Variants in RBFOX1 observed in about 807,000 individuals in gnomAD.
The protein encoded by RBFOX1 is RNA binding protein fox-1 homolog 1.
A neutral mutation model predicts 57.7 loss-of-function variants in RBFOX1; 8 were observed. The ratio of observed to expected loss-of-function variants is 0.14; its 90% CI spans 0.08 to 0.25. RBFOX1 has a LOEUF of 0.25. Among genes scored for constraint, RBFOX1 ranks in the 10% least tolerant of loss-of-function variants. The pLI, the probability that RBFOX1 is intolerant of heterozygous loss-of-function variation, is 1.00. For missense variants in RBFOX1, 611 were observed against 548.5 expected (o/e 1.11, Z -1.14); for synonymous variants, 326 against 222.4 (o/e 1.47, Z -4.15).
intron 1 of RBFOX1, among the ~76,000 whole-genome samples, chr16:5,467,054 A>T (rs1213095995): frequency 6.6e-6 from 1 of 152,200 alleles, no homozygotes; most frequent in Non-Finnish European, 1.5e-5. Context: ...CCTACAACAG[A>T]GCCTGACACA....
intron 14 of RBFOX1, among the ~76,000 whole-genome samples, chr16:7,699,454 A>C (rs2079926112): frequency 6.6e-6 from 1 of 152,160 alleles, no homozygotes; most frequent in Non-Finnish European, 1.5e-5. Context: ...GGCCTACCAA[A>C]GTCCTGCGAG....
intron 2 of RBFOX1, among the ~76,000 whole-genome samples, chr16:6,388,538 T>G (rs2092426374): frequency 6.6e-6 from 1 of 152,106 alleles, no homozygotes; most frequent in Non-Finnish European, 1.5e-5. Context: ...ATATTTGTCG[T>G]GTGATATATA....
intron 2 of RBFOX1, among the ~76,000 whole-genome samples, chr16:6,586,743 G>C (rs2097627633): frequency 6.6e-6 from 1 of 152,164 alleles, no homozygotes; most frequent in Non-Finnish European, 1.5e-5. Flanking sequence ...CTTCTCTTCA[G>C]TGGTTCAGGA....
At chr16:7,063,941 C>T (rs762742628) in intron 4 of RBFOX1, among the ~76,000 whole-genome samples, 1 of 152,014 alleles carries the variant, frequency 6.6e-6, no homozygotes, top group African/African-American at 2.4e-5. Context: ...CTTTGGTATT[C>T]GCAGGAAGTC....
chr16:6,692,811 T>C (rs1603429885), intron 3 of RBFOX1, among the ~76,000 whole-genome samples: 1 of 152,064 alleles, frequency 6.6e-6, no homozygotes, highest in South Asian at 2.1e-4. Flanking sequence ...GTACTATCAC[T>C]ACCATCATCA....
At chr16:5,271,866 T>C (rs1353839404) in intron 1 of RBFOX1, among the ~76,000 whole-genome samples, 1 of 152,236 alleles carries the variant, frequency 6.6e-6, no homozygotes, top group African/African-American at 2.4e-5. Flanking sequence ...TTTCTGTGCC[T>C]GGCTTATTTC....
At chr16:6,971,350 G>T (rs1008013476) in intron 3 of RBFOX1, among the ~76,000 whole-genome samples, 1 of 152,138 alleles carries the variant, frequency 6.6e-6, no homozygotes, top group South Asian at 2.1e-4. Context: ...AATCCAGGCA[G>T]CAGGAACAGA....
At chr16:6,475,726 A>T (rs1172587944) in intron 2 of RBFOX1, among the ~76,000 whole-genome samples, 1 of 152,180 alleles carries the variant, frequency 6.6e-6, no homozygotes, top group Non-Finnish European at 1.5e-5. Context: ...TGTGGTTGCT[A>T]TGTAATTTTA....
intron 3 of RBFOX1, among the ~76,000 whole-genome samples, chr16:5,777,271 A>C (rs1358754934): frequency 1.3e-5 from 2 of 152,130 alleles, no homozygotes; most frequent in Non-Finnish European, 2.9e-5. Context: ...CTCTACCTTC[A>C]TAGTCAGCAA....
chr16:7,521,925 C>G (rs2077590205), intron 5 of RBFOX1, among the ~76,000 whole-genome samples: 1 of 152,200 alleles, frequency 6.6e-6, no homozygotes, highest in Non-Finnish European at 1.5e-5. Flanking sequence ...CTCACCTCAG[C>G]TCTCTGGCTC....
intron 1 of RBFOX1, among the ~76,000 whole-genome samples, chr16:5,449,516 A>T (rs2068356715): frequency 6.6e-6 from 1 of 152,204 alleles, no homozygotes; most frequent in South Asian, 2.1e-4. Flanking sequence ...CAAGATCTAA[A>T]GGGTCACAGT....
intron 4 of RBFOX1, among the ~76,000 whole-genome samples, chr16:7,197,602 T>C (rs28731467): frequency 0.41 from 62,033 of 151,782 alleles, 13,110 homozygotes; most frequent in Non-Finnish European, 0.47. Context: ...TGAAAACAAG[T>C]ACTCAAACAA....
intron 2 of RBFOX1, among the ~76,000 whole-genome samples, chr16:5,508,984 C>T (rs1170112169): frequency 6.6e-6 from 1 of 152,190 alleles, no homozygotes; most frequent in Non-Finnish European, 1.5e-5. Context: ...TACTTAAACT[C>T]CAGGGTCCTA....
rs138198328 is a variant in RBFOX1, at chr16:5,981,812, A to C, written c.351+114477A>C. 3.3e-5 allele frequency among the ~76,000 whole-genome samples: 5 copies of C among 152,216 alleles called. No individual in the cohort carries two copies. In the East Asian group the frequency reaches 9.7e-4, roughly 29 times the overall value. On this transcript the variant is annotated intron_variant, in intron 4 of 19. Transcript: ENST00000641259. ...GTGGTCCTCAACTAGATGCCCCTGAACGGACGTTTGACAATGTGCATGGGA... is the reference window on the plus strand; with the variant it reads ...GTGGTCCTCAACTAGATGCCCCTGACCGGACGTTTGACAATGTGCATGGGA...
At chr16:7,470,198 C>T (rs1057025381) in intron 4 of RBFOX1, among the ~76,000 whole-genome samples, 1 of 152,204 alleles carries the variant, frequency 6.6e-6, no homozygotes, top group Non-Finnish European at 1.5e-5. Flanking sequence ...CTTGGGTCAT[C>T]TCTATCATAG....
chr16:5,367,322 G>C (rs903805019), intron 1 of RBFOX1, among the ~76,000 whole-genome samples: 5 of 152,188 alleles, frequency 3.3e-5, no homozygotes, highest in Non-Finnish European at 7.3e-5. Flanking sequence ...CTCCTGACCT[G>C]CCCAGAACAC....
intron 3 of RBFOX1, among the ~76,000 whole-genome samples, chr16:6,743,423 A>C: frequency 6.6e-6 from 1 of 152,182 alleles, no homozygotes; most frequent in East Asian, 1.9e-4. Context: ...GTGTTATAAG[A>C]AGCACATTTT....
intron 3 of RBFOX1, among the ~76,000 whole-genome samples, chr16:6,894,309 T>C (rs942277670): frequency 6.6e-6 from 1 of 152,192 alleles, no homozygotes; most frequent in African/African-American, 2.4e-5. Flanking sequence ...CTGTTGTGCG[T>C]TTGAAATCCC....
chr16:6,830,415 C>G (rs2092623304), intron 3 of RBFOX1, among the ~76,000 whole-genome samples: 1 of 152,004 alleles, frequency 6.6e-6, no homozygotes, highest in Middle Eastern at 3.4e-3. Context: ...AATAATAGAT[C>G]AATGAAGAAA....
Sources: allele counts gnomAD v4.1 joint callset (sites outside exome capture counted in the v4.1 genomes callset), GRCh38; gene constraint gnomAD v4.1.1; transcripts MANE v1.5; gene names NCBI Gene and HGNC (gene_info 2026-07-23, HGNC 2026-07-21).